Variants in TESK2 observed in about 807,000 individuals in gnomAD.
The protein encoded by TESK2 is testis associated actin remodelling kinase 2, also known as dual specificity testis-specific protein kinase 2.
A neutral mutation model predicts 57.1 loss-of-function variants in TESK2; 39 were observed. That is an observed-to-expected ratio of 0.68 (90% CI 0.53 to 0.89). TESK2 has a LOEUF of 0.89. Among genes scored for constraint, TESK2 ranks in the 40% least tolerant of loss-of-function variants. The pLI is 0.00. For missense variants in TESK2, 646 were observed against 732.1 expected (o/e 0.88, Z 1.36); for synonymous variants, 249 against 267.9 (o/e 0.93, Z 0.69).
At chr1:45,406,293 A>T (rs1649846032) in intron 3 of TESK2, among the ~76,000 whole-genome samples, 2 of 152,188 alleles carry the variant, frequency 1.3e-5, no homozygotes, top group Admixed American at 6.5e-5. Flanking sequence ...ACCTAAAATT[A>T]TGTGGTTGGC....
chr1:45,383,506 G>T (rs1234545573), intron 4 of TESK2, among the ~76,000 whole-genome samples: 2 of 152,118 alleles, frequency 1.3e-5, no homozygotes, highest in African/African-American at 4.8e-5. Flanking sequence ...GTTTTATATG[G>T]CTATAAAGAA....
At chr1:45,386,846 G>T (rs1219906075) in intron 3 of TESK2, among the ~76,000 whole-genome samples, 1 of 152,082 alleles carries the variant, frequency 6.6e-6, no homozygotes, top group Non-Finnish European at 1.5e-5. Context: ...TAGAGACGGG[G>T]TTTCATCATG....
chr1:45,445,892 A>G (rs952749017), intron 2 of TESK2, among the ~76,000 whole-genome samples: 14 of 152,178 alleles, frequency 9.2e-5, no homozygotes, highest in African/African-American at 3.1e-4. Flanking sequence ...TGAAAAGTAT[A>G]TAACAAAAAA....
chr1:45,422,774 G>GTTGTTGTTGTTGTTGTTGTTGTTT (rs1224131890), intron 2 of TESK2, among the ~76,000 whole-genome samples: 13 of 151,290 alleles, frequency 8.6e-5, no homozygotes, highest in Non-Finnish European at 1.6e-4. Context: ...TGTTGTTGTT[G>GTTGTTGTTGTTGTTGTTGTTGTTT]TTGTTTTTGT....
intron 1 of TESK2, among the ~76,000 whole-genome samples, chr1:45,464,247 G>A (rs1652445332): frequency 6.6e-6 from 1 of 151,900 alleles, no homozygotes. Context: ...CCAACATGGT[G>A]AAACCCCGTC....
intron 2 of TESK2, among the ~76,000 whole-genome samples, chr1:45,443,229 C>T (rs957428364): frequency 5.3e-5 from 8 of 151,940 alleles, no homozygotes; most frequent in African/African-American, 1.2e-4. Flanking sequence ...TTAAGGATGA[C>T]CAGATGATCC....
intron 4 of TESK2, among the ~76,000 whole-genome samples, chr1:45,376,993 G>C (rs1648456115): frequency 6.6e-6 from 1 of 152,164 alleles, no homozygotes; most frequent in Admixed American, 6.5e-5. Context: ...GCCCAGGTGG[G>C]AGGATCCCTT....
rs758530900 is a variant in TESK2 at position 45,344,891 on chromosome 1, G to A, written c.1665C>T (p.Thr555=). The part of the protein sequence containing the change: ...EERPAGSTPA[T]FSTSGIGLQT... ...GCAGGCCTATGCCTGAGGTGGAGAA[G>A]GTGGCTGGAGTTGAGCCTGCTGGCC... Residue 555 remains threonine (T), a synonymous_variant, in exon 11 of 11, where the codon ACC becomes ACT. Coordinates refer to ENST00000372086, the MANE Select transcript of TESK2 (RefSeq NM_007170.3). 1 of 1,613,880 alleles carries A rather than the reference G, an allele frequency of 6.2e-7. No individual in the cohort carries two copies. The highest frequency in any genetic ancestry group is 8.5e-7 in the Non-Finnish European group (1 of 1,180,038).
At chr1:45,352,830 A>G (rs924786492) in intron 5 of TESK2, among the ~76,000 whole-genome samples, 12 of 152,180 alleles carry the variant, frequency 7.9e-5, no homozygotes, top group African/African-American at 2.9e-4. Context: ...CTGAGTAGGA[A>G]GCAAAGATTT....
At chr1:45,372,048 A>T (rs1648210206) in intron 4 of TESK2, among the ~76,000 whole-genome samples, 1 of 151,956 alleles carries the variant, frequency 6.6e-6, no homozygotes, top group African/African-American at 2.4e-5. Flanking sequence ...CAGGAGTTTG[A>T]GACCAGCCTG....
intron 3 of TESK2, chr1:45,413,804 A>C (rs1297811429): frequency 2.2e-6 from 1 of 456,050 alleles, no homozygotes; most frequent in Non-Finnish European, 4.4e-6. Context: ...GGGTTCCAAG[A>C]GATGGATTCT....
intron 2 of TESK2, among the ~76,000 whole-genome samples, chr1:45,441,696 G>A (rs990706911): frequency 2.8e-5 from 4 of 141,236 alleles, no homozygotes; most frequent in South Asian, 2.2e-4. Context: ...TCAGCTCATT[G>A]CAGCCTCCGC....
chr1:45,367,441 C>T (rs143907802), intron 4 of TESK2, among the ~76,000 whole-genome samples: 198 of 150,980 alleles, frequency 1.3e-3, no homozygotes, highest in African/African-American at 4.4e-3. Flanking sequence ...CTGTTGACTC[C>T]GGGTTCAAGC....
intron 2 of TESK2, among the ~76,000 whole-genome samples, chr1:45,449,884 T>G (rs1185230458): frequency 6.6e-6 from 1 of 152,202 alleles, no homozygotes; most frequent in Non-Finnish European, 1.5e-5. Flanking sequence ...TTAATTAGTC[T>G]ACTCTCCCCC....
intron 3 of TESK2, among the ~76,000 whole-genome samples, chr1:45,393,200 T>G (rs984751826): frequency 3.9e-5 from 6 of 152,174 alleles, no homozygotes; most frequent in African/African-American, 1.4e-4. Context: ...CCCACTATTA[T>G]TTTGACCACA....
At chr1:45,477,858 C>G (rs544567535) in intron 1 of TESK2, among the ~76,000 whole-genome samples, 225 of 152,230 alleles carry the variant, frequency 1.5e-3, no homozygotes, top group Middle Eastern at 3.4e-3. Flanking sequence ...CTTAACGCAC[C>G]CTTCTGATGT....
intron 3 of TESK2, among the ~76,000 whole-genome samples, chr1:45,390,969 G>A (rs1267030309): frequency 6.7e-6 from 1 of 150,024 alleles, no homozygotes; most frequent in African/African-American, 2.5e-5. Flanking sequence ...CCAGGCTGGA[G>A]TGCAGTGGCG....
At chr1:45,374,635 A>C (rs1418833401) in intron 4 of TESK2, among the ~76,000 whole-genome samples, 1 of 152,180 alleles carries the variant, frequency 6.6e-6, no homozygotes, top group African/African-American at 2.4e-5. Context: ...CCTCCTTCCA[A>C]ATCAATGAAA....
chr1:45,423,325 A>T (rs1381499306), intron 2 of TESK2, among the ~76,000 whole-genome samples: 1 of 152,126 alleles, frequency 6.6e-6, no homozygotes, highest in African/African-American at 2.4e-5. Context: ...TGGGAGACCA[A>T]GGGGGACAGA....
Sources: allele counts gnomAD v4.1 joint callset (sites outside exome capture counted in the v4.1 genomes callset), GRCh38; gene constraint gnomAD v4.1.1; transcripts MANE v1.5; gene names NCBI Gene and HGNC (gene_info 2026-07-23, HGNC 2026-07-21).